CDYL2: variants seen among roughly 807,000 people sequenced by gnomAD.
CDYL2 encodes the protein chromodomain Y-like protein 2.
Under a neutral mutation model 49.4 loss-of-function variants are expected in CDYL2, and 23 were observed. The ratio of observed to expected loss-of-function variants is 0.47; its 90% CI spans 0.34 to 0.66. The LOEUF (loss-of-function observed/expected upper bound fraction) is 0.66, where lower values mean the gene tolerates loss of function less well. Ranked by LOEUF, CDYL2 falls within the 30% of genes least tolerant of loss-of-function variation. CDYL2 has a pLI of 0.01. For missense variants in CDYL2, 678 were observed against 656.4 expected (o/e 1.03, Z -0.36); for synonymous variants, 360 against 268.8 (o/e 1.34, Z -3.32).
intron 1 of CDYL2, among the ~76,000 whole-genome samples, chr16:80,702,106 CT>C (rs1196467532): frequency 6.6e-6 from 1 of 151,878 alleles, no homozygotes; most frequent in East Asian, 1.9e-4. Context: ...CAAACCCCCA[CT>C]TCACAGTAGA....
intron 2 of CDYL2, among the ~76,000 whole-genome samples, chr16:80,651,224 T>C (rs910063011): frequency 1.3e-5 from 2 of 152,184 alleles, no homozygotes; most frequent in African/African-American, 4.8e-5. Context: ...TACCCATACA[T>C]TTATATACCT....
intron 2 of CDYL2, among the ~76,000 whole-genome samples, chr16:80,661,010 A>AGAGCCT (rs1460181242): frequency 1.3e-5 from 2 of 152,196 alleles, no homozygotes; most frequent in Non-Finnish European, 2.9e-5. Context: ...GTGAGGCCAC[A>AGAGCCT]GAGCCTGAGA....
chr16:80,702,217 C>A (rs1334220289), intron 1 of CDYL2, among the ~76,000 whole-genome samples: 4 of 150,558 alleles, frequency 2.7e-5, no homozygotes, highest in Non-Finnish European at 5.9e-5. Context: ...CACACACACA[C>A]AAAACTATAA....
Position 80,612,665 on chromosome 16 carries a change from G to C in CDYL2, c.1179C>G (p.Cys393Trp). Residue 393 changes from cysteine (C) to tryptophan (W), a missense_variant, in exon 5 of 7, where the codon TGC becomes TGG. Physicochemically the swap from Cys to Trp is radical, Grantham distance 215. This residue lies in a region of CDYL2 where 153 missense variants were observed against 150.6 expected (regional missense o/e 1.02). Coordinates refer to ENST00000570137, the MANE Select transcript of CDYL2 (RefSeq NM_152342.4). The surrounding 1 kb of genome is among the most constrained non-coding windows in gnomAD (Gnocchi z 5.0). ...GGATCTGGGGGAAGGTGTAGGAGGA[G>C]CAGCCAGCAGGCGTGAGGCGGATGG... ...YATIRLTPAG[C>W]SSYTFPQILG... 1 of 1,612,796 alleles carries C rather than the reference G, an allele frequency of 6.2e-7. No individual in the cohort carries two copies. Among genetic ancestry groups the C allele is most frequent in the Non-Finnish European group, 8.5e-7 (1 of 1,179,760 alleles).
At chr16:80,684,424 C>T (rs1189446546) in intron 2 of CDYL2, 114 bp downstream of exon 2, 1 of 972,308 alleles carries the variant, frequency 1.0e-6, no homozygotes, top group East Asian at 2.5e-5. Context: ...GAATTGCTGG[C>T]TAGCTAAGAG....
intron 3 of CDYL2, among the ~76,000 whole-genome samples, chr16:80,629,652 G>T (rs765725097): frequency 2.0e-5 from 3 of 152,222 alleles, no homozygotes; most frequent in Non-Finnish European, 2.9e-5. Context: ...CCAGACAGGA[G>T]AAATATTACA....
At chr16:80,747,369 A>T (rs1905967601) in intron 1 of CDYL2, among the ~76,000 whole-genome samples, 1 of 152,166 alleles carries the variant, frequency 6.6e-6, no homozygotes, top group African/African-American at 2.4e-5. Flanking sequence ...TCTCATTATT[A>T]AAAGGAGAAT....
rs1017498219 is a variant in CDYL2 at position 80,715,615 on chromosome 16, A to AT, written c.25-30487dup. 6.0e-5 allele frequency among the ~76,000 whole-genome samples: 9 copies of AT among 150,464 alleles called. No homozygotes were observed. In the South Asian group the frequency reaches 6.3e-4, roughly 11 times the overall value. On this transcript the variant is annotated intron_variant, in intron 1 of 6. Coordinates refer to ENST00000570137, the MANE Select transcript of CDYL2 (RefSeq NM_152342.4). ...CCACTCTCACATTGCCTCCAGAGGA[A>AT]TTTTTTTTTTCATAATGAAAATCTG...
At chr16:80,719,083 T>C (rs544388215) in intron 1 of CDYL2, among the ~76,000 whole-genome samples, 2 of 152,260 alleles carry the variant, frequency 1.3e-5, no homozygotes, top group East Asian at 1.9e-4. Context: ...AAGCGAACAT[T>C]ACTCATTCAT....
chr16:80,621,017 G>A (rs1259586531), intron 3 of CDYL2, 82 bp from the exon 4 acceptor site: 2 of 1,416,836 alleles, frequency 1.4e-6, no homozygotes, highest in African/African-American at 2.9e-5. Context: ...ACAGCCAGAG[G>A]CCTGACCCCC....
At chr16:80,710,771 C>T (rs1038476006) in intron 1 of CDYL2, among the ~76,000 whole-genome samples, 5 of 151,998 alleles carry the variant, frequency 3.3e-5, no homozygotes, top group African/African-American at 4.8e-5. Context: ...ACACAGAGAA[C>T]TGTGTTTAAA....
At chr16:80,756,069 C>G (rs1906300532) in intron 1 of CDYL2, among the ~76,000 whole-genome samples, 1 of 151,688 alleles carries the variant, frequency 6.6e-6, no homozygotes, top group Non-Finnish European at 1.5e-5. Context: ...GTGATATGGC[C>G]AAAACTACAA....
chr16:80,744,813 C>T (rs1344679669), intron 1 of CDYL2, among the ~76,000 whole-genome samples: 1 of 152,166 alleles, frequency 6.6e-6, no homozygotes, highest in Non-Finnish European at 1.5e-5. Flanking sequence ...TCTGTGACAG[C>T]TGGCAGCATG....
At chr16:80,678,133 C>T (rs1350486328) in intron 2 of CDYL2, among the ~76,000 whole-genome samples, 4 of 152,294 alleles carry the variant, frequency 2.6e-5, no homozygotes, top group Admixed American at 6.5e-5. Context: ...AAGACTTAAA[C>T]GCTAGACCTA....
chr16:80,611,100 G>C (rs929332267), intron 5 of CDYL2, among the ~76,000 whole-genome samples: 6 of 152,140 alleles, frequency 3.9e-5, no homozygotes, highest in Non-Finnish European at 7.3e-5. Context: ...CCTCTGCCTG[G>C]AATTCTTGCG....
intron 1 of CDYL2, among the ~76,000 whole-genome samples, chr16:80,759,177 G>A (rs1418582364): frequency 1.9e-5 from 2 of 105,522 alleles, no homozygotes; most frequent in African/African-American, 8.4e-5. Context: ...TATATATATG[G>A]TGTGTATATA....
At chr16:80,754,253 T>C (rs937749549) in intron 1 of CDYL2, among the ~76,000 whole-genome samples, 1 of 151,820 alleles carries the variant, frequency 6.6e-6, no homozygotes, top group African/African-American at 2.4e-5. Context: ...GAGGTGAAAA[T>C]ATCATGGTTC....
chr16:80,684,342 T>C (rs909297163), intron 2 of CDYL2, among the ~76,000 whole-genome samples, 196 bp downstream of exon 2: 2 of 152,116 alleles, frequency 1.3e-5, no homozygotes, highest in African/African-American at 4.8e-5. Context: ...CCTCCCCACA[T>C]GCATGAGGGT....
chr16:80,679,169 G>A (rs1203073531), intron 2 of CDYL2, among the ~76,000 whole-genome samples: 3 of 150,924 alleles, frequency 2.0e-5, no homozygotes, highest in Non-Finnish European at 4.4e-5. Flanking sequence ...GCTAGATGAC[G>A]AGTTAGTGGG....
Sources: gnomAD v4.1 joint callset for allele counts (sites outside exome capture counted in the v4.1 genomes callset) on GRCh38, gnomAD v4.1.1 for gene constraint, gnomAD v4.1.1 regional missense constraint, Gnocchi (gnomAD v3.1) non-coding constraint, MANE v1.5 for transcripts, NCBI Gene and HGNC (gene_info 2026-07-23, HGNC 2026-07-21) for gene names.